The following DGKZ variants were observed in gnomAD, a reference collection of about 807,000 sequenced individuals.
The protein encoded by DGKZ is diacylglycerol kinase zeta, also known as DAG kinase zeta.
A neutral mutation model predicts 142.5 loss-of-function variants in DGKZ; 45 were observed. The ratio of observed to expected loss-of-function variants is 0.32; its 90% CI spans 0.25 to 0.40. DGKZ has a LOEUF of 0.40. Ranked by LOEUF, DGKZ falls within the 10% of genes least tolerant of loss-of-function variation. The pLI is 1.00. For missense variants in DGKZ, 755 were observed against 1,306.5 expected, an observed-to-expected ratio of 0.58 and a Z score of 6.51; for synonymous variants, 442 against 527.0, an observed-to-expected ratio of 0.84 and a Z score of 2.21.
intron 1 of DGKZ, among the ~76,000 whole-genome samples, chr11:46,362,781 G>T (rs1942814551): frequency 6.6e-6 from 1 of 152,222 alleles, no homozygotes; most frequent in African/African-American, 2.4e-5. Flanking sequence ...AGCTGATGAA[G>T]CTCTCCGGCC....
chr11:46,339,198 A>G (rs1940160475), intron 1 of DGKZ, among the ~76,000 whole-genome samples: 1 of 152,208 alleles, frequency 6.6e-6, no homozygotes, highest in Admixed American at 6.5e-5. Flanking sequence ...GGGGCACCTG[A>G]TCCAACTCTC....
chr11:46,377,983 G>C (rs1944748384), intron 25 of DGKZ: 4 of 622,740 alleles, frequency 6.4e-6, no homozygotes, highest in African/African-American at 3.7e-5. Context: ...TATTTGACTT[G>C]TTTGTATCCC....
intron 1 of DGKZ, among the ~76,000 whole-genome samples, chr11:46,341,792 C>T (rs912135068): frequency 4.6e-5 from 7 of 152,074 alleles, no homozygotes; most frequent in Non-Finnish European, 1.0e-4. Flanking sequence ...GGGTTAGGGC[C>T]ACATGTGAAG....
intron 5 of DGKZ, 94 bp downstream of exon 5, chr11:46,369,644 T>C: frequency 4.7e-6 from 7 of 1,490,824 alleles, no homozygotes; most frequent in Non-Finnish European, 6.5e-6. Context: ...GGGGCTCGGC[T>C]CCCTCTAGGC....
intron 19 of DGKZ, 137 bp downstream of exon 19, chr11:46,375,182 G>GGGGGTAGGTGC: frequency 1.1e-6 from 1 of 912,910 alleles, no homozygotes. Flanking sequence ...TGGCTTGAGA[G>GGGGGTAGGTGC]CGGCACCTAC....
At chr11:46,375,765 T>C in intron 20 of DGKZ, 86 bp from the exon 21 acceptor site, 1 of 1,517,816 alleles carries the variant, frequency 6.6e-7, no homozygotes, top group South Asian at 1.2e-5. Context: ...CGGGACCTTC[T>C]CTCGGCAAGT....
rs3740976 is a variant in DGKZ at position 46,372,207 on chromosome 11, C to T, written c.927+37C>T. 0.12 allele frequency: 179,473 copies of T among 1,540,646 alleles called. 11,423 individuals carry two copies. The highest frequency in any genetic ancestry group is 0.19 in the Middle Eastern group (1,133 of 5,864). Reference sequence around the variant, plus strand: ...CTTGCCTCTCAGCTAAGGGCTCGGGCGGGGGTTGGGGTCCAGCCCGTCTGC... The same window carrying T: ...CTTGCCTCTCAGCTAAGGGCTCGGGTGGGGGTTGGGGTCCAGCCCGTCTGC... On this transcript the variant is annotated intron_variant, in intron 10 of 30. Transcript: ENST00000527911. This position sits in a 1 kb window ranked among gnomAD's most constrained non-coding sequence, Gnocchi z 5.9.
intron 1 of DGKZ, among the ~76,000 whole-genome samples, chr11:46,339,529 A>G (rs1486134579): frequency 6.6e-6 from 1 of 152,170 alleles, no homozygotes; most frequent in African/African-American, 2.4e-5. Flanking sequence ...GCAGTGCCAC[A>G]CTGTCCCAGA....
chr11:46,378,651 C>G (rs1020879122), intron 27 of DGKZ, 151 bp downstream of exon 27: 1 of 1,082,774 alleles, frequency 9.2e-7, no homozygotes, highest in Non-Finnish European at 1.4e-6. Flanking sequence ...TCGTCCCATT[C>G]CACTTCACTG....
Position 46,365,561 on chromosome 11 carries a change from G to C in DGKZ, c.162-1730G>C, listed in dbSNP as rs116033558. The C allele has an allele frequency of 6.4e-4, 631 of 985,410 alleles. 5 individuals are homozygous for C. The African/African-American group carries it at 0.01, about 16-fold the overall frequency. 61.0% of individuals were successfully genotyped at this position (985,410 alleles called of 1,614,324 possible). A position where few individuals can be genotyped will look rare whatever the true frequency, so the allele number is the denominator to read the frequency against. ...AGACAGTGACTCTCCAGTTCCCTGA[G>C]ACCTGGTCTCCCCTGAGCTACACAT... is the stretch of plus-strand genomic sequence containing the variant. On this transcript the variant is annotated intron_variant, in intron 1 of 30. Transcript: ENST00000527911.
chr11:46,358,547 C>A (rs969078621), intron 1 of DGKZ, among the ~76,000 whole-genome samples: 1 of 152,168 alleles, frequency 6.6e-6, no homozygotes, highest in Non-Finnish European at 1.5e-5. Flanking sequence ...TATTTGTTGC[C>A]AGGCACAGGC....
At chr11:46,341,647 T>C (rs1284892858) in intron 1 of DGKZ, among the ~76,000 whole-genome samples, 2 of 152,144 alleles carry the variant, frequency 1.3e-5, no homozygotes, top group Non-Finnish European at 2.9e-5. Context: ...TGTGAACCAA[T>C]GGACTCCATG....
At chr11:46,378,270 T>TG in intron 26 of DGKZ, 41 bp downstream of exon 26, 2 of 1,588,808 alleles carry the variant, frequency 1.3e-6, no homozygotes, top group Non-Finnish European at 8.6e-7. Context: ...TCTGCCTGGT[T>TG]GGGGGCAGGA....
intron 1 of DGKZ, among the ~76,000 whole-genome samples, chr11:46,336,779 C>T (rs1940037099): frequency 6.6e-6 from 1 of 152,128 alleles, no homozygotes; most frequent in African/African-American, 2.4e-5. Context: ...GTCTCGAACT[C>T]CTGGGCTCAA....
At chr11:46,347,263 G>T, upstream of DGKZ, 2 of 973,350 alleles carry the variant, frequency 2.1e-6, no homozygotes, top group East Asian at 1.1e-4. This position sits in a 1 kb window ranked among gnomAD's most constrained non-coding sequence, Gnocchi z 6.4. Context: ...GGCGGGCCGG[G>T]CCGGGCTGGG....
chr11:46,358,271 AAGTCT>A (rs1942265507), intron 1 of DGKZ, among the ~76,000 whole-genome samples: 1 of 152,136 alleles, frequency 6.6e-6, no homozygotes, highest in Admixed American at 6.5e-5. Context: ...TAATTTTATA[AAGTCT>A]AGACCCTTGT....
intron 24 of DGKZ, 134 bp from the exon 25 acceptor site, chr11:46,376,929 GAGGGACAGGC>G (rs1944614449): frequency 1.4e-6 from 1 of 721,282 alleles, no homozygotes; most frequent in East Asian, 2.7e-5. Flanking sequence ...AGGAGTGGGA[GAGGGACAGGC>G]AGGGCCCCTT....
chr11:46,346,763 T>C (rs952731992), upstream of DGKZ, among the ~76,000 whole-genome samples: 3 of 152,142 alleles, frequency 2.0e-5, no homozygotes, highest in Non-Finnish European at 4.4e-5. Flanking sequence ...ATGAGATCTA[T>C]AGGTTCTGTT....
upstream of DGKZ, among the ~76,000 whole-genome samples, chr11:46,343,140 A>G (rs1940357951): frequency 6.6e-6 from 1 of 152,086 alleles, no homozygotes; most frequent in African/African-American, 2.4e-5. Flanking sequence ...AAACAAAAAA[A>G]AAGCAAAAAA....
Sources: allele counts gnomAD v4.1 joint callset (sites outside exome capture counted in the v4.1 genomes callset), GRCh38; gene constraint gnomAD v4.1.1; non-coding constraint Gnocchi (gnomAD v3.1); transcripts MANE v1.5; gene names NCBI Gene and HGNC (gene_info 2026-07-23, HGNC 2026-07-21).